Variants in KCNJ12 observed in about 807,000 individuals in gnomAD.
KCNJ12 encodes ATP-sensitive inward rectifier potassium channel 12.
A neutral mutation model predicts 22.3 loss-of-function variants in KCNJ12; 2 were observed. The observed-to-expected ratio is 0.09, with a 90% CI of 0.04 to 0.28. KCNJ12 has a LOEUF of 0.28. Among genes scored for constraint, KCNJ12 ranks in the 10% least tolerant of loss-of-function variants. KCNJ12 has a pLI of 1.00. For missense variants in KCNJ12, 155 were observed against 633.3 expected (o/e 0.24, Z 8.11); for synonymous variants, 117 against 261.4 (o/e 0.45, Z 5.33).
At chr17:21,391,418 G>A (rs1197495510) in intron 1 of KCNJ12, among the ~76,000 whole-genome samples, 1 of 152,148 alleles carries the variant, frequency 6.6e-6, no homozygotes, top group African/African-American at 2.4e-5. Context: ...CGTTCTTGCT[G>A]TACCCCCGGA....
intron 1 of KCNJ12, among the ~76,000 whole-genome samples, chr17:21,385,978 G>A (rs1187529320): frequency 6.6e-5 from 10 of 152,242 alleles, no homozygotes; most frequent in African/African-American, 2.4e-4. Flanking sequence ...GGTGTGGAAG[G>A]AGCACTGGGG....
At chr17:21,409,725 G>T (rs57891941) in intron 2 of KCNJ12, among the ~76,000 whole-genome samples, 1 of 151,548 alleles carries the variant, frequency 6.6e-6, no homozygotes, top group Admixed American at 6.6e-5. Flanking sequence ...ACTGTGGTTG[G>T]TGTAGGAATT....
At chr17:21,404,945 G>T (rs1905840374) in intron 1 of KCNJ12, among the ~76,000 whole-genome samples, 1 of 152,302 alleles carries the variant, frequency 6.6e-6, no homozygotes, top group Non-Finnish European at 1.5e-5. Context: ...TCTTTCTGGG[G>T]TCCATATGTC....
At chr17:21,382,796 C>T (rs1458783829) in intron 1 of KCNJ12, among the ~76,000 whole-genome samples, 4 of 152,048 alleles carry the variant, frequency 2.6e-5, no homozygotes, top group African/African-American at 9.7e-5. Context: ...GAGATTGTCT[C>T]CTGGGGCTCA....
chr17:21,418,903 G>T lies in KCNJ12; in HGVS notation c.*2259G>T. ...CAGCCTTCTACTCCCCCGACCCAGA[G>T]CTGAGTCCGAGGACCCCAGGCCCAC... On this transcript the variant is annotated 3_prime_UTR_variant, in exon 3 of 3. Transcript: ENST00000583088. 1 of 166,842 alleles carries T rather than the reference G, an allele frequency of 6.0e-6. No individual in the cohort carries two copies. The allele number at this position is 166,842 out of a possible 1,614,324, so 10.3% of individuals were successfully genotyped here.
chr17:21,400,227 C>A (rs1378661573), intron 1 of KCNJ12, among the ~76,000 whole-genome samples: 2 of 152,246 alleles, frequency 1.3e-5, no homozygotes, highest in Non-Finnish European at 2.9e-5. Context: ...GGGTGGGGAG[C>A]AAGCTCCTGG....
intron 1 of KCNJ12, among the ~76,000 whole-genome samples, chr17:21,391,021 CT>C (rs1375720416): frequency 7.2e-5 from 11 of 152,184 alleles, no homozygotes; most frequent in Non-Finnish European, 1.3e-4. Context: ...AGCTGTGGAT[CT>C]TCCTAATCTG....
intron 1 of KCNJ12, among the ~76,000 whole-genome samples, chr17:21,384,110 A>G (rs1195105259): frequency 6.6e-6 from 1 of 152,080 alleles, no homozygotes; most frequent in African/African-American, 2.4e-5. Context: ...GGAGGCATAG[A>G]AACGTGCTAA....
At chr17:21,383,517 G>C (rs1904957419) in intron 1 of KCNJ12, among the ~76,000 whole-genome samples, 1 of 152,216 alleles carries the variant, frequency 6.6e-6, no homozygotes, top group Non-Finnish European at 1.5e-5. Context: ...CTGGGATCTG[G>C]GGCAGGTTGG....
intron 2 of KCNJ12, among the ~76,000 whole-genome samples, chr17:21,411,447 CT>C (rs1199954811): frequency 6.6e-6 from 1 of 152,246 alleles, no homozygotes; most frequent in East Asian, 1.9e-4. Context: ...TTCACTGCCC[CT>C]TGGTGTTGAA....
At chr17:21,391,713 C>A (rs1555559326) in intron 1 of KCNJ12, among the ~76,000 whole-genome samples, 2 of 152,226 alleles carry the variant, frequency 1.3e-5, no homozygotes, top group Non-Finnish European at 2.9e-5. Context: ...CCTTTCTTCC[C>A]CGGTCTGCCC....
intron 1 of KCNJ12, among the ~76,000 whole-genome samples, chr17:21,386,388 C>T (rs151159827): frequency 1.9e-3 from 284 of 152,346 alleles, no homozygotes; most frequent in African/African-American, 6.7e-3. Flanking sequence ...AACCATGGCT[C>T]ACTGCAACCT....
chr17:21,392,802 A>G (rs1905242533), intron 1 of KCNJ12, among the ~76,000 whole-genome samples: 1 of 152,218 alleles, frequency 6.6e-6, no homozygotes, highest in Non-Finnish European at 1.5e-5. Flanking sequence ...GGAAGGCCTG[A>G]AGGTGGGTGT....
intron 1 of KCNJ12, among the ~76,000 whole-genome samples, chr17:21,395,466 C>T (rs1269250746): frequency 1.4e-5 from 2 of 147,490 alleles, no homozygotes; most frequent in Admixed American, 1.4e-4. Context: ...ATAGTGAAAC[C>T]CACCTCTGGG....
In KCNJ12 at chr17:21,418,857, G is replaced by C. The variant is rs1420997906; in HGVS notation, c.*2213G>C. Reference sequence around the variant, plus strand: ...ACTTGGTGCTGGTGTAGGGGCCTGTGCCCTTCCAGGGCCAGTGAGACAGCC... The same window carrying C: ...ACTTGGTGCTGGTGTAGGGGCCTGTCCCCTTCCAGGGCCAGTGAGACAGCC... On this transcript the variant is annotated 3_prime_UTR_variant, in exon 3 of 3. Transcript: ENST00000583088. The C allele has an allele frequency of 6.0e-6, 1 of 166,884 alleles. No individual in the cohort carries two copies. The highest frequency in any genetic ancestry group is 1.5e-5 in the Non-Finnish European group (1 of 68,240). 10.3% of individuals were successfully genotyped at this position (166,884 alleles called of 1,614,324 possible).
intron 1 of KCNJ12, among the ~76,000 whole-genome samples, chr17:21,402,841 G>A (rs1485214364): frequency 6.6e-6 from 1 of 152,300 alleles, no homozygotes; most frequent in Non-Finnish European, 1.5e-5. Flanking sequence ...AGGCAGGCCT[G>A]GAGGGCTCAC....
At position 21,396,210 on chromosome 17, in the gene KCNJ12, G is replaced by A. The variant is rs562475255; in HGVS notation, c.-178-12309G>A. 1.4e-4 allele frequency among the ~76,000 whole-genome samples: 21 copies of A among 152,170 alleles called. No individual in the cohort carries two copies. In the East Asian group the frequency reaches 3.4e-3, roughly 24 times the overall value. The stretch of plus-strand genomic sequence containing the variant: ...GAACTTGCTGAGGCTAGAGCTGAGT[G>A]CTACATGCACCTGGACTCCTTGCTT... On this transcript the variant is annotated intron_variant, in intron 1 of 2. Transcript: ENST00000583088.
At chr17:21,389,330 G>A (rs1322365762) in intron 1 of KCNJ12, among the ~76,000 whole-genome samples, 1 of 152,218 alleles carries the variant, frequency 6.6e-6, no homozygotes, top group Non-Finnish European at 1.5e-5. Flanking sequence ...GCACTGTCGT[G>A]TGCTGGGGGC....
intron 1 of KCNJ12, among the ~76,000 whole-genome samples, chr17:21,393,195 G>A (rs1047101550): frequency 1.2e-4 from 19 of 152,216 alleles, no homozygotes; most frequent in Admixed American, 4.6e-4. Flanking sequence ...CTGCCTCATC[G>A]CTTTCTGTGC....
Sources: gnomAD v4.1 joint callset for allele counts (sites outside exome capture counted in the v4.1 genomes callset) on GRCh38, gnomAD v4.1.1 for gene constraint, MANE v1.5 for transcripts, NCBI Gene and HGNC (gene_info 2026-07-23, HGNC 2026-07-21) for gene names.